CAND2: variants seen among roughly 807,000 people sequenced by gnomAD.
CAND2 encodes cullin-associated NEDD8-dissociated protein 2.
In CAND2, 62 loss-of-function variants were observed where a neutral mutation model predicts 98.9. That is an observed-to-expected ratio of 0.63 (90% CI 0.51 to 0.77). The LOEUF (loss-of-function observed/expected upper bound fraction) is 0.77. Among genes scored for constraint, CAND2 ranks in the 30% least tolerant of loss-of-function variants. CAND2 has a pLI of 0.00. For missense variants in CAND2, 1,501 were observed against 1,655.2 expected (o/e 0.91, Z 1.62); for synonymous variants, 770 against 731.9 (o/e 1.05, Z -0.84).
Position 12,833,911 on chromosome 3 carries a change from G to C in CAND2, c.3640G>C (p.Ala1214Pro). 1 of 1,614,202 alleles carries C rather than the reference G, an allele frequency of 6.2e-7. No homozygotes were observed. The highest frequency in any genetic ancestry group is 8.5e-7 in the Non-Finnish European group (1 of 1,180,034). ...CCAAATCAGATCCAACCCTGAACTT[G>C]CTGCCCTCTTTGAAAGCATCCAGAA... ...SSQIRSNPEL[A>P]ALFESIQKDS... Residue 1214 changes from alanine (A) to proline (P), a missense_variant, in exon 15 of 15, where the codon GCT becomes CCT. Transcript: ENST00000456430.
At chr3:12,819,276 C>T (rs1433469680) in intron 10 of CAND2, among the ~76,000 whole-genome samples, 1 of 152,224 alleles carries the variant, frequency 6.6e-6, no homozygotes, top group African/African-American at 2.4e-5. Context: ...TTCATTCATG[C>T]CTTAGCACCA....
intron 2 of CAND2, among the ~76,000 whole-genome samples, chr3:12,806,705 C>T (rs1231070996): frequency 2.6e-5 from 4 of 152,352 alleles, no homozygotes; most frequent in African/African-American, 9.6e-5. Flanking sequence ...TTACACTTTC[C>T]TGTGCATTGG....
Position 12,817,139 on chromosome 3 carries a change from T to A in CAND2, c.2207T>A (p.Val736Glu), listed in dbSNP as rs761751348. The A allele has an allele frequency of 5.0e-6, 8 of 1,613,144 alleles. No homozygotes were observed. In the South Asian group the frequency reaches 6.6e-5, roughly 13 times the overall value. Residue 736 changes from valine (V) to glutamate (E), a missense_variant, in exon 10 of 15, where the codon GTG becomes GAG. Around this residue, in one of 3 missense-constraint regions of CAND2, gnomAD observed 1,427 missense variants for 1,545.3 expected, o/e 0.92. Coordinates refer to ENST00000456430, the MANE Select transcript of CAND2 (RefSeq NM_001162499.2). Reference sequence around the variant, plus strand: ...TCTTTGGTGGAGGTCAGTGGCCCTGTGCTCTCAGAGCTGCTGCGGCTGCTG... The same window carrying A: ...TCTTTGGTGGAGGTCAGTGGCCCTGAGCTCTCAGAGCTGCTGCGGCTGCTG... ...PASLVEVSGP[V>E]LSELLRLLRS...
At chr3:12,808,376 G>T in intron 4 of CAND2, 43 bp downstream of exon 4, 1 of 1,548,480 alleles carries the variant, frequency 6.5e-7, no homozygotes, top group Non-Finnish European at 8.7e-7. Flanking sequence ...GTGGGTAAAA[G>T]GGGACAGGGA....
At chr3:12,813,450 C>T (rs2061871211) in intron 7 of CAND2, 62 bp downstream of exon 7, 6 of 1,552,700 alleles carry the variant, frequency 3.9e-6, no homozygotes, top group Admixed American at 1.8e-5. Flanking sequence ...TCCTGGGATC[C>T]CCCAACCAAA....
Position 12,808,342 on chromosome 3 carries a change from G to C in CAND2, c.491+9G>C. The C allele has an allele frequency of 6.4e-7, 1 of 1,551,198 alleles. No homozygotes were observed. Among genetic ancestry groups the C allele is most frequent in the Non-Finnish European group, 8.7e-7 (1 of 1,146,776 alleles). ...TCTGACATGCTGAGCAGGTGTGGGA[G>C]GCCATCCTGGGTATTGAGGAAGAGT... is the stretch of plus-strand genomic sequence containing the variant. On this transcript the variant is annotated intron_variant, in intron 4 of 14. Coordinates refer to ENST00000456430, the MANE Select transcript of CAND2 (RefSeq NM_001162499.2).
intron 11 of CAND2, among the ~76,000 whole-genome samples, chr3:12,825,095 C>T (rs749651466): frequency 6.6e-6 from 1 of 151,678 alleles, no homozygotes; most frequent in African/African-American, 2.4e-5. Flanking sequence ...TAATGCATTA[C>T]CACATTCAAA....
chr3:12,802,609 C>A (rs1228066890), intron 1 of CAND2, among the ~76,000 whole-genome samples: 1 of 152,360 alleles, frequency 6.6e-6, no homozygotes, highest in South Asian at 2.1e-4. Flanking sequence ...CATGCTGAGC[C>A]GTTGCTAGTC....
rs137920583 is a variant in CAND2 at position 12,813,635 on chromosome 3, C to T, written c.1006+247C>T. Among the ~76,000 whole-genome samples, 552 of 152,344 alleles carry T rather than the reference C, an allele frequency of 3.6e-3. 17 individuals are homozygous for T. The highest frequency in any genetic ancestry group is 0.029 in the Admixed American group (445 of 15,296). ...CTAAAAAAACAGAAATTATTACCCA[C>T]GTGTTTCAGACAAGGACACATACTG... is the stretch of plus-strand genomic sequence containing the variant. On this transcript the variant is annotated intron_variant, in intron 7 of 14. Transcript: ENST00000456430.
At chr3:12,820,203 C>T (rs762889358) in intron 11 of CAND2, 22 bp downstream of exon 11, 3 of 1,583,532 alleles carry the variant, frequency 1.9e-6, no homozygotes, top group South Asian at 1.1e-5. Flanking sequence ...CCTCTTGCCC[C>T]TCCACCTTGT....
chr3:12,797,692 CAATG>C (rs760924931), intron 1 of CAND2, among the ~76,000 whole-genome samples: 15 of 152,262 alleles, frequency 9.9e-5, no homozygotes, highest in South Asian at 8.3e-4. Context: ...CTTGGAGACT[CAATG>C]AACATTTTTT....
intron 13 of CAND2, among the ~76,000 whole-genome samples, chr3:12,829,934 C>T (rs551689097): frequency 1.3e-5 from 2 of 152,356 alleles, no homozygotes; most frequent in Admixed American, 1.3e-4. Flanking sequence ...GTTATTTGCA[C>T]ATTTTCACAA....
intron 5 of CAND2, 39 bp from the exon 6 acceptor site, chr3:12,812,951 G>C: frequency 7.6e-7 from 1 of 1,316,258 alleles, no homozygotes. Flanking sequence ...CTCCGGGAGA[G>C]TGTCTGGCTT....
At chr3:12,800,658 A>T (rs1286490784) in intron 1 of CAND2, among the ~76,000 whole-genome samples, 1 of 152,156 alleles carries the variant, frequency 6.6e-6, no homozygotes, top group African/African-American at 2.4e-5. Flanking sequence ...GTCACCAGGG[A>T]TTGTAGGCCC....
In CAND2 at chr3:12,817,119, G is replaced by A; in HGVS notation, c.2187G>A (p.Leu729=). Reference sequence around the variant, plus strand: ...TGACCCAGGCCCAGCCAGCCTCTTTGGTGGAGGTCAGTGGCCCTGTGCTCT... The same window carrying A: ...TGACCCAGGCCCAGCCAGCCTCTTTAGTGGAGGTCAGTGGCCCTGTGCTCT... ...ATVTQAQPAS[L]VEVSGPVLSE... The change falls in exon 10 of 15, where the codon TTG becomes TTA. Residue 729 remains leucine, a synonymous_variant. Coordinates refer to ENST00000456430, the MANE Select transcript of CAND2 (RefSeq NM_001162499.2). The A allele has an allele frequency of 6.2e-7, 1 of 1,613,082 alleles. No homozygotes were observed. The highest frequency in any genetic ancestry group is 8.5e-7 in the Non-Finnish European group (1 of 1,180,002).
rs867687295 is a variant in CAND2 at position 12,810,276 on chromosome 3, C to T, written c.709C>T (p.Leu237=). The part of the protein sequence containing the change: ...VPTSPTAIRT[L]IQCLGSVGRQ... ...CACCAGCCCGACTGCCATCCGCACC[C>T]TGATCCAATGTTTGGGCAGCGTCGG... The change falls in exon 5 of 15, where the codon CTG becomes TTG. Residue 237 remains leucine (L), a synonymous_variant. Coordinates refer to ENST00000456430, the MANE Select transcript of CAND2 (RefSeq NM_001162499.2). 4 of 1,503,626 alleles carry T rather than the reference C, an allele frequency of 2.7e-6. No homozygotes were observed. Among genetic ancestry groups the T allele is most frequent in the Non-Finnish European group, 3.5e-6 (4 of 1,127,782 alleles). The allele number at this position is 1,503,626 out of a possible 1,614,324, so 93.1% of individuals were successfully genotyped here. A position where few individuals can be genotyped will look rare whatever the true frequency, so the allele number is the denominator to read the frequency against.
chr3:12,826,952 A>T (rs971544351), intron 12 of CAND2, among the ~76,000 whole-genome samples: 27 of 148,022 alleles, frequency 1.8e-4, no homozygotes, highest in Non-Finnish European at 7.4e-5. Flanking sequence ...TGCCTCAGCC[A>T]CCCAAGTAGC....
intron 4 of CAND2, 147 bp from the exon 5 acceptor site, chr3:12,809,912 T>C: frequency 1.2e-6 from 1 of 831,804 alleles, no homozygotes; most frequent in Non-Finnish European, 1.7e-6. Flanking sequence ...TAATTCCTCC[T>C]CACAGTTGCA....
At position 12,820,187 on chromosome 3, in the gene CAND2, C is replaced by T; in HGVS notation, c.3040+6C>T. Reference sequence around the variant, plus strand: ...CCTCCTGAAGAGCTTCATCGGTGAGCACCTACCTCTTGCCCCTCCACCTTG... The same window carrying T: ...CCTCCTGAAGAGCTTCATCGGTGAGTACCTACCTCTTGCCCCTCCACCTTG... On this transcript the variant is annotated splice_donor_region_variant and intron_variant, in intron 11 of 14. Coordinates refer to ENST00000456430, the MANE Select transcript of CAND2 (RefSeq NM_001162499.2). The T allele has an allele frequency of 6.2e-7, 1 of 1,608,446 alleles. No individual in the cohort carries two copies.
Sources: gnomAD v4.1 joint callset for allele counts (sites outside exome capture counted in the v4.1 genomes callset) on GRCh38, gnomAD v4.1.1 for gene constraint, gnomAD v4.1.1 regional missense constraint, MANE v1.5 for transcripts, NCBI Gene and HGNC (gene_info 2026-07-23, HGNC 2026-07-21) for gene names.